The following PLA2G4A variants were observed in gnomAD, a reference collection of about 807,000 sequenced individuals.
The protein encoded by PLA2G4A is cytosolic phospholipase A2.
PLA2G4A carries 40 observed loss-of-function variants against 81.9 expected under a neutral mutation model. The observed-to-expected ratio is 0.49, with a 90% CI of 0.38 to 0.64. The LOEUF (loss-of-function observed/expected upper bound fraction) is 0.64. PLA2G4A is among the 30% of genes least tolerant of loss of function. PLA2G4A has a pLI of 0.00. For synonymous variants in PLA2G4A, 302 were observed against 296.9 expected, an observed-to-expected ratio of 1.02 and a Z score of -0.18; for missense variants, 715 against 905.1, an observed-to-expected ratio of 0.79 and a Z score of 2.69.
chr1:186,892,947 TA>T lies in PLA2G4A; in HGVS notation c.116-57del, dbSNP rs369232155. 4.7e-4 allele frequency: 547 copies of T among 1,155,098 alleles called. 3 individuals carry two copies. The African/African-American group carries it at 6.8e-3, about 14-fold the overall frequency. The allele number at this position is 1,155,098 out of a possible 1,614,324, so 71.6% of individuals were successfully genotyped here. ...AGAATAAACTGACAACATATATTAA[TA>T]AAAAAATTAGGAACTATGAATCACA... On this transcript the variant is annotated intron_variant, in intron 3 of 17. Coordinates refer to ENST00000367466, the MANE Select transcript of PLA2G4A (RefSeq NM_024420.3).
chr1:186,917,291 T>G (rs1217448093), intron 7 of PLA2G4A, among the ~76,000 whole-genome samples: 1 of 152,198 alleles, frequency 6.6e-6, no homozygotes, highest in Non-Finnish European at 1.5e-5. Context: ...AGCCTGTAGC[T>G]GTCGCTGTAA....
chr1:186,972,326 A>G (rs1398327542), intron 15 of PLA2G4A, among the ~76,000 whole-genome samples: 1 of 152,094 alleles, frequency 6.6e-6, no homozygotes, highest in Non-Finnish European at 1.5e-5. Flanking sequence ...TAATATGAAA[A>G]TTTAGTGTAC....
chr1:186,955,264 A>G (rs758802198), intron 13 of PLA2G4A, among the ~76,000 whole-genome samples: 2 of 152,234 alleles, frequency 1.3e-5, no homozygotes, highest in Non-Finnish European at 2.9e-5. Context: ...ATGAAATGAC[A>G]GGTCATAAGA....
chr1:186,936,425 A>G (rs947762761), intron 8 of PLA2G4A, among the ~76,000 whole-genome samples: 13 of 151,968 alleles, frequency 8.6e-5, no homozygotes, highest in African/African-American at 3.1e-4. Context: ...TCCTTAGGTC[A>G]TAGTTGCTTA....
intron 7 of PLA2G4A, among the ~76,000 whole-genome samples, chr1:186,914,805 A>C (rs1218098278): frequency 2.6e-5 from 4 of 152,110 alleles, no homozygotes; most frequent in Admixed American, 6.5e-5. Flanking sequence ...ATTGGGCATA[A>C]GACAATATGA....
chr1:186,917,431 A>T (rs1450304051), intron 7 of PLA2G4A, among the ~76,000 whole-genome samples: 1 of 152,186 alleles, frequency 6.6e-6, no homozygotes, highest in African/African-American at 2.4e-5. Context: ...AAACAATACC[A>T]TAGGAAGGGC....
In PLA2G4A at chr1:186,854,284, A is replaced by G; in HGVS notation, c.-69-2A>G. 1 of 865,498 alleles carries G rather than the reference A, an allele frequency of 1.2e-6. No individual in the cohort carries two copies. Among genetic ancestry groups the G allele is most frequent in the Non-Finnish European group, 2.0e-6 (1 of 502,652 alleles). The allele number at this position is 865,498 out of a possible 1,614,324, so 53.6% of individuals were successfully genotyped here. On this transcript the variant is annotated splice_acceptor_variant, in intron 1 of 17. Transcript: ENST00000367466. LOFTEE classifies it low-confidence loss of function (5UTR_SPLICE). The stretch of plus-strand genomic sequence containing the variant: ...TAACAATAGTGATTGTTTATTTTGT[A>G]GGTTTTAAAGACGCTAGAGTGCCAA...
chr1:186,852,307 G>T (rs1401042383), intron 1 of PLA2G4A, among the ~76,000 whole-genome samples: 5 of 151,962 alleles, frequency 3.3e-5, no homozygotes. Flanking sequence ...AAATAATACA[G>T]TCAGGGAAGA....
At chr1:186,893,918 C>CAA (rs35114616) in intron 4 of PLA2G4A, among the ~76,000 whole-genome samples, 180 bp from the exon 5 acceptor site, 1,580 of 118,166 alleles carry the variant, frequency 0.013, 17 homozygotes, top group African/African-American at 0.034. Flanking sequence ...GACCCTGTCT[C>CAA]AAAAAAAAAA....
At chr1:186,877,772 AG>A (rs1225836611) in intron 3 of PLA2G4A, among the ~76,000 whole-genome samples, 1 of 148,508 alleles carries the variant, frequency 6.7e-6, no homozygotes, top group Non-Finnish European at 1.5e-5. Context: ...GTAAGATCTC[AG>A]GGAATATTGG....
chr1:186,967,740 A>G (rs1031098275), intron 15 of PLA2G4A, among the ~76,000 whole-genome samples: 38 of 152,126 alleles, frequency 2.5e-4, no homozygotes, highest in African/African-American at 8.7e-4. Context: ...CAATGAGCAC[A>G]TCTAAGGGGC....
At chr1:186,930,885 C>G (rs1172315128) in intron 7 of PLA2G4A, among the ~76,000 whole-genome samples, 1 of 152,182 alleles carries the variant, frequency 6.6e-6, no homozygotes, top group Non-Finnish European at 1.5e-5. Flanking sequence ...TTGGCCTGAA[C>G]CTTAGGCCCA....
chr1:186,960,490 A>G (rs1656906417), intron 14 of PLA2G4A, among the ~76,000 whole-genome samples: 1 of 152,198 alleles, frequency 6.6e-6, no homozygotes, highest in Non-Finnish European at 1.5e-5. Context: ...TTCTTCCATA[A>G]CGGCATTTAT....
chr1:186,884,191 A>G (rs1653844461), intron 3 of PLA2G4A, among the ~76,000 whole-genome samples: 1 of 152,202 alleles, frequency 6.6e-6, no homozygotes, highest in Non-Finnish European at 1.5e-5. Flanking sequence ...ATTAAATTAT[A>G]AACATATTTT....
chr1:186,889,896 G>A (rs1654074172), intron 3 of PLA2G4A, among the ~76,000 whole-genome samples: 1 of 151,786 alleles, frequency 6.6e-6, no homozygotes, highest in Non-Finnish European at 1.5e-5. Flanking sequence ...TTTTGTTACT[G>A]AGGAACATGA....
chr1:186,843,040 C>A (rs1362168889), intron 1 of PLA2G4A, among the ~76,000 whole-genome samples: 1 of 152,128 alleles, frequency 6.6e-6, no homozygotes, highest in Non-Finnish European at 1.5e-5. Flanking sequence ...GACCTGGGAA[C>A]TTTTTTATTC....
chr1:186,876,595 T>C (rs1349686707), intron 3 of PLA2G4A, among the ~76,000 whole-genome samples: 1 of 152,086 alleles, frequency 6.6e-6, no homozygotes, highest in Non-Finnish European at 1.5e-5. Flanking sequence ...CATCAACCCG[T>C]CTGTTAAATG....
Position 186,928,519 on chromosome 1 carries a change from T to G in PLA2G4A, c.559-4244T>G, listed in dbSNP as rs115098084. Among the ~76,000 whole-genome samples, 200 of 152,304 alleles carry G rather than the reference T, an allele frequency of 1.3e-3. No homozygotes were observed. The Middle Eastern group carries it at 0.027, about 21-fold the overall frequency. The stretch of plus-strand genomic sequence containing the variant: ...TCTGCACCATAGGCTCTCCTGGGTA[T>G]GAAGCTCGCCAGCCCATTTTGCAGA... On this transcript the variant is annotated intron_variant, in intron 7 of 17. Coordinates refer to ENST00000367466, the MANE Select transcript of PLA2G4A (RefSeq NM_024420.3).
chr1:186,880,417 G>T (rs1225697750), intron 3 of PLA2G4A, among the ~76,000 whole-genome samples: 1 of 151,938 alleles, frequency 6.6e-6, no homozygotes, highest in South Asian at 2.1e-4. Flanking sequence ...TAAATATCAA[G>T]AATTATGTCT....
Sources: allele counts gnomAD v4.1 joint callset (sites outside exome capture counted in the v4.1 genomes callset), GRCh38; gene constraint gnomAD v4.1.1; transcripts MANE v1.5; gene names NCBI Gene and HGNC (gene_info 2026-07-23, HGNC 2026-07-21).